VWA7: variants seen among roughly 807,000 people sequenced by gnomAD.
The protein encoded by VWA7 is von Willebrand factor A domain-containing protein 7.
Under a neutral mutation model 83.1 loss-of-function variants are expected in VWA7, and 66 were observed. That is an observed-to-expected ratio of 0.79 (90% CI 0.65 to 0.98). VWA7 has a LOEUF of 0.98. Among genes scored for constraint, VWA7 ranks in the 50% least tolerant of loss-of-function variants. VWA7 has a pLI of 0.00. For missense variants in VWA7, 1,080 were observed against 1,160.2 expected, an observed-to-expected ratio of 0.93 and a Z score of 1.00; for synonymous variants, 424 against 488.5, an observed-to-expected ratio of 0.87 and a Z score of 1.74.
rs143097356 is a variant in VWA7, at chr6:31,775,763, C to T, written c.513+201G>A. 1.2e-4 allele frequency among the ~76,000 whole-genome samples: 18 copies of T among 152,358 alleles called. No individual in the cohort carries two copies. Among genetic ancestry groups the T allele is most frequent in the African/African-American group, 4.1e-4 (17 of 41,594 alleles). ...CACCCTCACTTCTCTCCAGCCACAGCGCCCTCCTTGCTGTTCCTACAGGAA... is the reference window on the plus strand; with the variant it reads ...CACCCTCACTTCTCTCCAGCCACAGTGCCCTCCTTGCTGTTCCTACAGGAA... On this transcript the variant is annotated intron_variant, in intron 3 of 16. Coordinates refer to ENST00000375688, the MANE Select transcript of VWA7 (RefSeq NM_025258.3). This position sits in a 1 kb window ranked among gnomAD's most constrained non-coding sequence, Gnocchi z 5.9.
chr6:31,776,750 G>C lies in VWA7; in HGVS notation c.30C>G (p.His10Gln), dbSNP rs1716946442. 2 of 1,459,094 alleles carry C rather than the reference G, an allele frequency of 1.4e-6. No individual in the cohort carries two copies. Among genetic ancestry groups the C allele is most frequent in the Middle Eastern group, 2.2e-4 (1 of 4,648 alleles). The allele number at this position is 1,459,094 out of a possible 1,614,324, so 90.4% of individuals were successfully genotyped here. A position where few individuals can be genotyped will look rare whatever the true frequency, so the allele number is the denominator to read the frequency against. The change falls in exon 2 of 17, where the codon CAC becomes CAG. Residue 10 changes from histidine to glutamine, a missense_variant. Physicochemically the swap from His to Gln is conservative, Grantham distance 24 (BLOSUM62 0). Transcript: ENST00000375688. This position sits in a 1 kb window ranked among gnomAD's most constrained non-coding sequence, Gnocchi z 6.2. ...GCAGAAGCAACGCTGAGGGGCCCGG[G>C]TGGGATTGGGGGACCTCCGTGGGGA... MLPTEVPQSHPGPSALLLLQ... is the reference protein window; with the variant it reads MLPTEVPQSQPGPSALLLLQ...
At position 31,769,690 on chromosome 6, in the gene VWA7, C is replaced by T. The variant is rs1192730964; in HGVS notation, c.1302G>A (p.Gln434=). 1.2e-6 allele frequency: 2 copies of T among 1,612,914 alleles called. No individual in the cohort carries two copies. The highest frequency in any genetic ancestry group is 2.7e-5 in the African/African-American group (2 of 74,940). The change falls in exon 9 of 17, where the codon CAG becomes CAA. Residue 434 remains glutamine (Q), a synonymous_variant. Transcript: ENST00000375688. The surrounding 1 kb of genome is among the most constrained non-coding windows in gnomAD (Gnocchi z 4.5). ...FLTNQVESLT[Q]ERRCRVTFLV... is the part of the protein sequence containing the mutation. ...CTCTGCTCACCCGGCAGCGCCGCTC[C>T]TGAGTCAGGGATTCCACCTGGTTGG...
chr6:31,772,543 T>G (rs1411521971), intron 7 of VWA7, among the ~76,000 whole-genome samples: 1 of 148,702 alleles, frequency 6.7e-6, no homozygotes, highest in Non-Finnish European at 1.5e-5. Flanking sequence ...CAGGCCTTTA[T>G]CCCTTACCTT....
rs1811537649 is a variant in VWA7 at position 31,766,123 on chromosome 6, C to T, written c.2325-66G>A. On this transcript the variant is annotated intron_variant, in intron 15 of 16. Coordinates refer to ENST00000375688, the MANE Select transcript of VWA7 (RefSeq NM_025258.3). The surrounding 1 kb of genome is among the most constrained non-coding windows in gnomAD (Gnocchi z 4.9). ...CCAGAGCCTAGAGTCGGGACGCCTG[C>T]AGGGGCACGGGAGCGGAGAGGAGGA... 1.3e-6 allele frequency: 2 copies of T among 1,598,842 alleles called. No individual in the cohort carries two copies. Among genetic ancestry groups the T allele is most frequent in the East Asian group, 2.2e-5 (1 of 44,658 alleles).
In VWA7 at chr6:31,766,140, AGAGG is replaced by A; in HGVS notation, c.2325-87_2325-84del. The A allele has an allele frequency of 6.3e-7, 1 of 1,595,020 alleles. No homozygotes were observed. The highest frequency in any genetic ancestry group is 8.6e-7 in the Non-Finnish European group (1 of 1,169,580). On this transcript the variant is annotated intron_variant, in intron 15 of 16. Transcript: ENST00000375688. This position sits in a 1 kb window ranked among gnomAD's most constrained non-coding sequence, Gnocchi z 4.9. ...GACGCCTGCAGGGGCACGGGAGCGGAGAGGAGGATTCTGAGGGCCAGTCGGAGGG... is the reference window on the plus strand; with the variant it reads ...GACGCCTGCAGGGGCACGGGAGCGGAAGGATTCTGAGGGCCAGTCGGAGGG...
At chr6:31,768,900 T>G in intron 10 of VWA7, 118 bp downstream of exon 10, 1 of 1,166,262 alleles carries the variant, frequency 8.6e-7, no homozygotes, top group East Asian at 2.7e-5. Context: ...CTTCCTTTCC[T>G]GCCCCGTGAC....
In VWA7 at chr6:31,773,272, C is replaced by T. The variant is rs139770801; in HGVS notation, c.887G>A (p.Arg296Gln). The change falls in exon 6 of 17, where the codon CGA becomes CAA. Residue 296 changes from arginine to glutamine, a missense_variant. Physicochemically the swap from Arg to Gln is conservative, Grantham distance 43 (BLOSUM62 1). Transcript: ENST00000375688. This position sits in a 1 kb window ranked among gnomAD's most constrained non-coding sequence, Gnocchi z 5.3. The stretch of plus-strand genomic sequence containing the variant: ...GAAATCCCTGTCTCCCAGGCGGCTT[C>T]GCAGAAGGCTGAAGGCCTGGATGGA... ...LASIQAFSLL[R>Q]SRLGDRDFSR... 334 of 1,606,924 alleles carry T rather than the reference C, an allele frequency of 2.1e-4. 1 individual carries two copies. Among genetic ancestry groups the T allele is most frequent in the South Asian group, 4.5e-4 (40 of 89,588 alleles).
rs774864146 is a variant in VWA7, at chr6:31,765,666, C to T, written c.2604G>A (p.Gly868=). The change falls in exon 17 of 17, where the codon GGG becomes GGA. Residue 868 remains glycine (G), a synonymous_variant. Transcript: ENST00000375688. ...CCCACCAGGGGCTGCCCGCAGCCAG[C>T]CCTGCCCCAGCCCTGCCTTGAGTCA... The part of the protein sequence containing the change: ...TLVTQGRAGA[G]LAAGSPWWGT... 1.2e-5 allele frequency: 19 copies of T among 1,605,740 alleles called. No individual in the cohort carries two copies. Among genetic ancestry groups the T allele is most frequent in the Non-Finnish European group, 1.6e-5 (19 of 1,176,678 alleles).
At position 31,775,066 on chromosome 6, in the gene VWA7, AGAGAAGG is replaced by A; in HGVS notation, c.610+260_610+266del. ...CAGGTGAGAGGGTGAGGGGGCTGTG[AGAGAAGG>A]CCCCATGGGAGTCAGTGCGGGGAGG... On this transcript the variant is annotated intron_variant, in intron 4 of 16. Transcript: ENST00000375688. This position sits in a 1 kb window ranked among gnomAD's most constrained non-coding sequence, Gnocchi z 5.9. Among the ~76,000 whole-genome samples, 1 of 152,120 alleles carries A rather than the reference AGAGAAGG, an allele frequency of 6.6e-6. No individual in the cohort carries two copies. The highest frequency in any genetic ancestry group is 2.4e-5 in the African/African-American group (1 of 41,426).
Position 31,765,734 on chromosome 6 carries a change from T to G in VWA7, c.2536A>C (p.Ile846Leu). Residue 846 changes from isoleucine to leucine, a missense_variant, in exon 17 of 17, where the codon ATC (isoleucine) becomes CTC (leucine). By Grantham distance (5) the Ile-to-Leu change is conservative. Transcript: ENST00000375688. Reference protein sequence around the residue: ...HTTPTGSSDPILTTATPAFSP... With the variant: ...HTTPTGSSDPLLTTATPAFSP... The stretch of plus-strand genomic sequence containing the variant: ...AAGGCAGGGGTGGCCGTGGTGAGGA[T>G]CGGGTCAGATGAGCCGGTAGGGGTG... 2.5e-6 allele frequency: 4 copies of G among 1,593,986 alleles called. No homozygotes were observed. The highest frequency in any genetic ancestry group is 3.4e-6 in the Non-Finnish European group (4 of 1,170,476).
intron 10 of VWA7, among the ~76,000 whole-genome samples, chr6:31,768,066 A>G (rs1811795804): frequency 6.7e-6 from 1 of 148,840 alleles, no homozygotes; most frequent in Non-Finnish European, 1.5e-5. Flanking sequence ...CTTGAACCCA[A>G]CAGGCAGAGG....
rs762820975 is a variant in VWA7, at chr6:31,775,934, C to T, written c.513+30G>A. On this transcript the variant is annotated intron_variant, in intron 3 of 16. Coordinates refer to ENST00000375688, the MANE Select transcript of VWA7 (RefSeq NM_025258.3). This position sits in a 1 kb window ranked among gnomAD's most constrained non-coding sequence, Gnocchi z 5.9. ...CGGACAGGCACGGAAGTGAAGACCC[C>T]TCTGACCATCAACCCAACCCTGTTC... 1.3e-6 allele frequency: 2 copies of T among 1,585,108 alleles called. No individual in the cohort carries two copies. The highest frequency in any genetic ancestry group is 2.3e-5 in the South Asian group (2 of 87,726).
rs755666532 is a variant in VWA7, at chr6:31,773,285, AGGCCT to A, written c.869_873del (p.Gln290LeufsTer37). 2 of 1,608,380 alleles carry A rather than the reference AGGCCT, an allele frequency of 1.2e-6. No homozygotes were observed. The highest frequency in any genetic ancestry group is 1.7e-6 in the Non-Finnish European group (2 of 1,177,658). ...CCCAGGCGGCTTCGCAGAAGGCTGAAGGCCTGGATGGAGGCTAGAAGGGCCAGTTT... is the reference window on the plus strand; with the variant it reads ...CCCAGGCGGCTTCGCAGAAGGCTGAAGGATGGAGGCTAGAAGGGCCAGTTT... On this transcript the variant is annotated frameshift_variant, in exon 6 of 17. Transcript: ENST00000375688. LOFTEE classifies it high-confidence loss of function. This position sits in a 1 kb window ranked among gnomAD's most constrained non-coding sequence, Gnocchi z 5.3.
At position 31,772,584 on chromosome 6, in the gene VWA7, C is replaced by CTTTTTTTTTT. The variant is rs9279415; in HGVS notation, c.1087+360_1087+369dup. On this transcript the variant is annotated intron_variant, in intron 7 of 16. Coordinates refer to ENST00000375688, the MANE Select transcript of VWA7 (RefSeq NM_025258.3). ...CTTTTCTTTTTTTTTTCTTTCTTTT[C>CTTTTTTTTTT]TTTTTTTTTTTTTTTTTTTTTTTTT... Among the ~76,000 whole-genome samples, 76 of 35,082 alleles carry CTTTTTTTTTT rather than the reference C, an allele frequency of 2.2e-3. 1 individual carries two copies. The highest frequency in any genetic ancestry group is 3.5e-3 in the Admixed American group (7 of 1,998). 23.0% of individuals were successfully genotyped at this position (35,082 alleles called of 152,430 possible). A position where few individuals can be genotyped will look rare whatever the true frequency, so the allele number is the denominator to read the frequency against.
In VWA7 at chr6:31,773,564, G is replaced by C. The variant is rs9461723; in HGVS notation, c.722-127C>G. 9.8e-7 allele frequency: 1 copy of C among 1,018,846 alleles called. No individual in the cohort carries two copies. Among genetic ancestry groups the C allele is most frequent in the Non-Finnish European group, 1.4e-6 (1 of 722,272 alleles). The allele number at this position is 1,018,846 out of a possible 1,614,324, so 63.1% of individuals were successfully genotyped here. A position where few individuals can be genotyped will look rare whatever the true frequency, so the allele number is the denominator to read the frequency against. On this transcript the variant is annotated intron_variant, in intron 5 of 16. Transcript: ENST00000375688. The surrounding 1 kb of genome is among the most constrained non-coding windows in gnomAD (Gnocchi z 5.3). The stretch of plus-strand genomic sequence containing the variant: ...CAAGGGTTCAGCAAGAAATGATGAC[G>C]GGGTTGGCGCGGTGGCTCACGCCTG...
At chr6:31,771,499 AT>A (rs1448462172) in intron 7 of VWA7, 1 of 152,216 alleles carries the variant, frequency 6.6e-6, no homozygotes, top group Non-Finnish European at 1.5e-5. Context: ...ACTGATACCC[AT>A]TTTACAGATG....
chr6:31,772,920 C>T, intron 7 of VWA7, 34 bp downstream of exon 7: 2 of 1,588,048 alleles, frequency 1.3e-6, no homozygotes, highest in Non-Finnish European at 1.7e-6. Flanking sequence ...TTGAATTTTC[C>T]TCCCCTCTAC....
At chr6:31,770,665 C>G (rs1812091262) in intron 7 of VWA7, among the ~76,000 whole-genome samples, 1 of 151,036 alleles carries the variant, frequency 6.6e-6, no homozygotes, top group Admixed American at 6.6e-5. Flanking sequence ...GGGAAGGTGG[C>G]CTCCACTCCC....
In VWA7 at chr6:31,776,964, A is replaced by G; in HGVS notation, c.-16+145T>C. The stretch of plus-strand genomic sequence containing the variant: ...GACAACCTGAGGGCCTCATCGGACC[A>G]TTAGGGACATACACACCTGCCAGGA... On this transcript the variant is annotated intron_variant, in intron 1 of 16. Coordinates refer to ENST00000375688, the MANE Select transcript of VWA7 (RefSeq NM_025258.3). This position sits in a 1 kb window ranked among gnomAD's most constrained non-coding sequence, Gnocchi z 6.2. 2.2e-6 allele frequency: 1 copy of G among 458,840 alleles called. No homozygotes were observed. The highest frequency in any genetic ancestry group is 3.8e-6 in the Non-Finnish European group (1 of 260,336). The allele number at this position is 458,840 out of a possible 1,614,324, so 28.4% of individuals were successfully genotyped here.
Sources: allele counts gnomAD v4.1 joint callset (sites outside exome capture counted in the v4.1 genomes callset), GRCh38; gene constraint gnomAD v4.1.1; non-coding constraint Gnocchi (gnomAD v3.1); transcripts MANE v1.5; gene names NCBI Gene and HGNC (gene_info 2026-07-23, HGNC 2026-07-21).